The following SORCS2 variants were observed in gnomAD, a reference collection of about 807,000 sequenced individuals.
SORCS2 encodes the protein sortilin related VPS10 domain containing receptor 2.
SORCS2 carries 100 observed loss-of-function variants against 141.6 expected under a neutral mutation model. The ratio of observed to expected loss-of-function variants is 0.71; its 90% CI spans 0.60 to 0.83. The LOEUF (loss-of-function observed/expected upper bound fraction) is 0.83. Among genes scored for constraint, SORCS2 ranks in the 40% least tolerant of loss-of-function variants. The pLI is 0.00. For synonymous variants in SORCS2, 789 were observed against 676.9 expected, an observed-to-expected ratio of 1.17 and a Z score of -2.57; for missense variants, 1,646 against 1,560.2, an observed-to-expected ratio of 1.05 and a Z score of -0.93.
At chr4:7,462,573 ACAGTC>A (rs1729376298) in intron 2 of SORCS2, among the ~76,000 whole-genome samples, 1 of 151,946 alleles carries the variant, frequency 6.6e-6, no homozygotes. Context: ...GAGGCGACTC[ACAGTC>A]CAAGCATGCG....
At chr4:7,466,617 T>C (rs1459065875) in intron 2 of SORCS2, among the ~76,000 whole-genome samples, 1 of 152,176 alleles carries the variant, frequency 6.6e-6, no homozygotes, top group Non-Finnish European at 1.5e-5. Context: ...CACGGGGTCC[T>C]GTAGGAGGTG....
At chr4:7,430,206 A>G (rs1726736226) in intron 2 of SORCS2, 1 of 151,970 alleles carries the variant, frequency 6.6e-6, no homozygotes, top group South Asian at 2.1e-4. Flanking sequence ...GGCTGTCCCC[A>G]CGGACTGCTC....
chr4:7,440,241 C>T (rs1727570688), intron 2 of SORCS2, among the ~76,000 whole-genome samples: 2 of 152,288 alleles, frequency 1.3e-5, no homozygotes, highest in East Asian at 3.9e-4. Context: ...GGACCCTGAC[C>T]TGGAGTCTGG....
intron 3 of SORCS2, among the ~76,000 whole-genome samples, chr4:7,567,555 A>T (rs146084625): frequency 2.3e-3 from 357 of 152,266 alleles, no homozygotes; most frequent in African/African-American, 8.1e-3. Context: ...ATCGCATCAC[A>T]CCAAGGCCAC....
At chr4:7,411,068 A>C (rs1008915845) in intron 2 of SORCS2, among the ~76,000 whole-genome samples, 1 of 142,524 alleles carries the variant, frequency 7.0e-6, no homozygotes, top group African/African-American at 2.6e-5. Context: ...CGATTCTCCT[A>C]CCTCAGCCTC....
At chr4:7,464,762 C>T (rs574655515) in intron 2 of SORCS2, among the ~76,000 whole-genome samples, 43 of 152,372 alleles carry the variant, frequency 2.8e-4, no homozygotes, top group African/African-American at 9.6e-4. Flanking sequence ...ATAGTCCAGA[C>T]TTTCTGAACT....
In SORCS2 at chr4:7,664,897, T is replaced by C. The variant is rs1722406666; in HGVS notation, c.1071+426T>C. ...CCTCAGGTCACAAGTGGGCCCACCC[T>C]CAGCAGCCATGTGGTCCCAGCTAAT... On this transcript the variant is annotated intron_variant, in intron 7 of 26. Coordinates refer to ENST00000507866, the MANE Select transcript of SORCS2 (RefSeq NM_020777.3). The surrounding 1 kb of genome is among the most constrained non-coding windows in gnomAD (Gnocchi z 4.7). 6.6e-6 allele frequency among the ~76,000 whole-genome samples: 1 copy of C among 152,150 alleles called. No homozygotes were observed. The highest frequency in any genetic ancestry group is 1.5e-5 in the Non-Finnish European group (1 of 68,016).
chr4:7,329,688 AC>A (rs761889945), intron 1 of SORCS2, among the ~76,000 whole-genome samples: 5 of 152,212 alleles, frequency 3.3e-5, no homozygotes, highest in Non-Finnish European at 5.9e-5. Context: ...TTGAGACAGC[AC>A]AAATGTACAG....
chr4:7,262,155 C>T (rs1356237741), intron 1 of SORCS2, among the ~76,000 whole-genome samples: 1 of 149,880 alleles, frequency 6.7e-6, no homozygotes, highest in Non-Finnish European at 1.5e-5. Flanking sequence ...CCCATCTACC[C>T]ATCCATTCTC....
chr4:7,307,087 G>A (rs974714817), intron 1 of SORCS2, among the ~76,000 whole-genome samples: 2 of 152,164 alleles, frequency 1.3e-5, no homozygotes, highest in African/African-American at 2.4e-5. Flanking sequence ...AGAAACCGAG[G>A]CTGGGGAGAG....
intron 2 of SORCS2, among the ~76,000 whole-genome samples, chr4:7,402,737 CTTTCCATG>C (rs1307087797): frequency 2.0e-5 from 3 of 152,202 alleles, no homozygotes; most frequent in Non-Finnish European, 2.9e-5. Context: ...AGTCATCAGA[CTTTCCATG>C]TTTGCACTCA....
chr4:7,580,914 T>C (rs961110643), intron 3 of SORCS2, among the ~76,000 whole-genome samples: 17 of 152,118 alleles, frequency 1.1e-4, no homozygotes, highest in Non-Finnish European at 1.8e-4. Context: ...ATAATAGATA[T>C]GCCCTGGGAT....
intron 3 of SORCS2, among the ~76,000 whole-genome samples, chr4:7,593,065 C>T (rs935078949): frequency 2.0e-5 from 3 of 152,094 alleles, no homozygotes; most frequent in Admixed American, 6.5e-5. Context: ...AAGGCTTTTG[C>T]TTGGGGTCTC....
chr4:7,625,115 T>A (rs1719436436), intron 3 of SORCS2, among the ~76,000 whole-genome samples: 1 of 152,240 alleles, frequency 6.6e-6, no homozygotes, highest in South Asian at 2.1e-4. Flanking sequence ...AATTTACAAA[T>A]GTTCTCAAGG....
At chr4:7,244,265 G>C (rs1577315961) in intron 1 of SORCS2, among the ~76,000 whole-genome samples, 1 of 152,328 alleles carries the variant, frequency 6.6e-6, no homozygotes, top group East Asian at 1.9e-4. Flanking sequence ...CTTGGAACAA[G>C]CTTGGGGGGT....
At chr4:7,617,022 G>A (rs1378333384) in intron 3 of SORCS2, among the ~76,000 whole-genome samples, 1 of 152,224 alleles carries the variant, frequency 6.6e-6, no homozygotes, top group African/African-American at 2.4e-5. Flanking sequence ...CCACACCAAA[G>A]GTGAGGAGCC....
chr4:7,517,016 C>T (rs1339497044), intron 2 of SORCS2, among the ~76,000 whole-genome samples: 1 of 152,164 alleles, frequency 6.6e-6, no homozygotes, highest in Non-Finnish European at 1.5e-5. Context: ...TGAAGGGACT[C>T]AACGAGCTAA....
chr4:7,722,301 G>A (rs1726646265), intron 18 of SORCS2, among the ~76,000 whole-genome samples: 3 of 152,156 alleles, frequency 2.0e-5, no homozygotes, highest in Non-Finnish European at 2.9e-5. Flanking sequence ...CCCTCCCTGA[G>A]AGGCTGCCTT....
chr4:7,192,829 C>G lies in SORCS2; in HGVS notation c.183C>G (p.His61Gln). The G allele has an allele frequency of 1.9e-6, 2 of 1,036,788 alleles. No individual in the cohort carries two copies. The highest frequency in any genetic ancestry group is 2.3e-6 in the Non-Finnish European group (2 of 865,404). 64.2% of individuals were successfully genotyped at this position (1,036,788 alleles called of 1,614,324 possible). A position where few individuals can be genotyped will look rare whatever the true frequency, so the allele number is the denominator to read the frequency against. ...RSPEPGRLGP[H>Q]AQLTRVPRSP... ...CTGAGCCCGGGCGCCTGGGTCCTCA[C>G]GCCCAACTGACCCGGGTGCCGCGGA... is the stretch of plus-strand genomic sequence containing the variant. The change falls in exon 1 of 27, where the codon CAC becomes CAG. Residue 61 changes from histidine (H) to glutamine (Q), a missense_variant. His to Gln is a conservative substitution (Grantham distance 24). Coordinates refer to ENST00000507866, the MANE Select transcript of SORCS2 (RefSeq NM_020777.3). The surrounding 1 kb of genome is among the most constrained non-coding windows in gnomAD (Gnocchi z 4.0).
Sources: allele counts gnomAD v4.1 joint callset (sites outside exome capture counted in the v4.1 genomes callset), GRCh38; gene constraint gnomAD v4.1.1; non-coding constraint Gnocchi (gnomAD v3.1); transcripts MANE v1.5; gene names NCBI Gene and HGNC (gene_info 2026-07-23, HGNC 2026-07-21).